MAML2: variants seen among roughly 807,000 people sequenced by gnomAD.
MAML2 encodes the protein mastermind like transcriptional coactivator 2.
Under a neutral mutation model 96.1 loss-of-function variants are expected in MAML2, and 22 were observed. The ratio of observed to expected loss-of-function variants is 0.23; its 90% CI spans 0.16 to 0.33. The LOEUF is 0.33. Ranked by LOEUF, MAML2 falls within the 10% of genes least tolerant of loss-of-function variation. The probability of loss-of-function intolerance (pLI) is 1.00; values close to 1 mark genes in which losing one functional copy is unlikely to be tolerated. For synonymous variants in MAML2, 561 were observed against 521.3 expected (o/e 1.08, Z -1.04); for missense variants, 1,367 against 1,392.4 (o/e 0.98, Z 0.29).
chr11:96,086,256 A>G (rs1859611480), intron 2 of MAML2, among the ~76,000 whole-genome samples: 1 of 152,200 alleles, frequency 6.6e-6, no homozygotes, highest in Non-Finnish European at 1.5e-5. Flanking sequence ...TGCTCAATAC[A>G]TTTTCATCAT....
chr11:96,251,761 T>G (rs1862584979), intron 1 of MAML2, among the ~76,000 whole-genome samples: 1 of 147,054 alleles, frequency 6.8e-6, no homozygotes, highest in East Asian at 2.0e-4. Flanking sequence ...AGACGGAGTC[T>G]CACTCTGTCA....
intron 1 of MAML2, among the ~76,000 whole-genome samples, chr11:96,207,764 G>T (rs1207834667): frequency 6.6e-6 from 1 of 152,150 alleles, no homozygotes; most frequent in African/African-American, 2.4e-5. Context: ...CTAATCCAAG[G>T]GCTCTGCATC....
chr11:96,068,808 C>A (rs1053471905), intron 2 of MAML2, among the ~76,000 whole-genome samples: 2 of 140,518 alleles, frequency 1.4e-5, no homozygotes, highest in African/African-American at 5.4e-5. Flanking sequence ...CCAGCCTGGG[C>A]GACAGAGCAA....
intron 2 of MAML2, among the ~76,000 whole-genome samples, chr11:96,057,169 A>C (rs909933454): frequency 5.9e-5 from 9 of 152,168 alleles, no homozygotes; most frequent in African/African-American, 2.2e-4. Flanking sequence ...TTATACATCC[A>C]TGAGTGCCAT....
intron 2 of MAML2, among the ~76,000 whole-genome samples, chr11:96,072,447 G>A (rs1034237617): frequency 6.6e-6 from 1 of 152,178 alleles, no homozygotes; most frequent in African/African-American, 2.4e-5. Flanking sequence ...TTAGAGAGAA[G>A]CTATTAAATT....
intron 2 of MAML2, among the ~76,000 whole-genome samples, chr11:96,071,774 CCTT>C (rs1282347704): frequency 6.6e-6 from 1 of 152,134 alleles, no homozygotes; most frequent in Non-Finnish European, 1.5e-5. Flanking sequence ...ACTCCAAAGG[CCTT>C]CTTTTCTTTT....
rs1284933246 is a variant in MAML2, at chr11:96,341,324, C to A, written c.513+59G>T. On this transcript the variant is annotated intron_variant, in intron 1 of 4. Transcript: ENST00000524717. ...ACTCTACCTTAGGCCAAAGCAAACT[C>A]TACCCTCACAAAAGGTCACAGGACC... The A allele has an allele frequency of 3.4e-6, 5 of 1,468,382 alleles. 1 individual carries two copies. In the East Asian group the frequency reaches 1.2e-4, roughly 37 times the overall value. The allele number at this position is 1,468,382 out of a possible 1,614,324, so 91.0% of individuals were successfully genotyped here.
rs542783751 is a variant in MAML2 at position 96,045,844 on chromosome 11, T to C, written c.2139+46048A>G. On this transcript the variant is annotated intron_variant, in intron 2 of 4. Transcript: ENST00000524717. The stretch of plus-strand genomic sequence containing the variant: ...CAAAGTGATGTAATAATGGGATTTT[T>C]TTTCCCTCGTAACCTTTTGCTGCCC... Among the ~76,000 whole-genome samples the C allele has an allele frequency of 2.0e-5, 3 of 152,110 alleles. No homozygotes were observed. In the East Asian group the frequency reaches 5.8e-4, roughly 29 times the overall value.
chr11:96,329,828 T>C (rs1863830798), intron 1 of MAML2, among the ~76,000 whole-genome samples: 1 of 152,204 alleles, frequency 6.6e-6, no homozygotes, highest in African/African-American at 2.4e-5. Context: ...TAGGGTAATT[T>C]CCTATCAAAA....
intron 1 of MAML2, among the ~76,000 whole-genome samples, chr11:96,175,249 C>T (rs2135904639): frequency 6.6e-6 from 1 of 152,348 alleles, no homozygotes; most frequent in African/African-American, 2.4e-5. Flanking sequence ...GGTTTTCTTG[C>T]AGTAGAGATG....
At chr11:96,091,578 T>G (rs1024434034) in intron 2 of MAML2, among the ~76,000 whole-genome samples, 5 of 152,174 alleles carry the variant, frequency 3.3e-5, no homozygotes, top group Admixed American at 2.0e-4. Flanking sequence ...ATTTACTGCT[T>G]GGATAAGTGA....
chr11:96,277,127 G>A (rs1359994381), intron 1 of MAML2, among the ~76,000 whole-genome samples: 3 of 152,306 alleles, frequency 2.0e-5, no homozygotes, highest in East Asian at 3.9e-4. Flanking sequence ...GTATAAAAAA[G>A]AGAGGAGTCA....
chr11:95,998,869 C>T (rs1158965220), intron 2 of MAML2, among the ~76,000 whole-genome samples: 1 of 152,140 alleles, frequency 6.6e-6, no homozygotes, highest in Non-Finnish European at 1.5e-5. Context: ...TTTTTTACTT[C>T]ATTGGTTTAA....
At chr11:96,129,297 T>C (rs981795406) in intron 1 of MAML2, among the ~76,000 whole-genome samples, 4 of 152,216 alleles carry the variant, frequency 2.6e-5, no homozygotes. Context: ...CTCTTCATTA[T>C]AGACCAGTGG....
intron 1 of MAML2, among the ~76,000 whole-genome samples, chr11:96,227,359 T>C (rs1862228044): frequency 6.6e-6 from 1 of 152,220 alleles, no homozygotes; most frequent in Non-Finnish European, 1.5e-5. Context: ...AGTTATACAT[T>C]TATGTGATTA....
intron 4 of MAML2, among the ~76,000 whole-genome samples, 166 bp from the exon 5 acceptor site, chr11:95,980,129 G>A (rs887870376): frequency 6.6e-6 from 1 of 152,178 alleles, no homozygotes; most frequent in Non-Finnish European, 1.5e-5. Flanking sequence ...GCTCTTAGGA[G>A]GAAGGAGCAC....
intron 1 of MAML2, among the ~76,000 whole-genome samples, chr11:96,201,831 G>A (rs1212489483): frequency 6.6e-6 from 1 of 151,360 alleles, no homozygotes; most frequent in East Asian, 2.0e-4. Flanking sequence ...AGGCAGGAGA[G>A]TGGCGTGAAC....
chr11:96,056,550 T>A (rs1327843161), intron 2 of MAML2, among the ~76,000 whole-genome samples: 1 of 152,234 alleles, frequency 6.6e-6, no homozygotes, highest in Non-Finnish European at 1.5e-5. Context: ...AATTTAAAAA[T>A]GCCTGACATC....
intron 2 of MAML2, among the ~76,000 whole-genome samples, chr11:96,056,388 GAA>G (rs34837308): frequency 2.0e-5 from 2 of 97,634 alleles, no homozygotes; most frequent in African/African-American, 4.0e-5. Context: ...ATTTTCTGAG[GAA>G]AAAAAAAAAA....
Sources: gnomAD v4.1 joint callset for allele counts (sites outside exome capture counted in the v4.1 genomes callset) on GRCh38, gnomAD v4.1.1 for gene constraint, MANE v1.5 for transcripts, NCBI Gene and HGNC (gene_info 2026-07-23, HGNC 2026-07-21) for gene names.